FBXO45: variants seen among roughly 807,000 people sequenced by gnomAD.
The protein encoded by FBXO45 is F-box protein 45.
Under a neutral mutation model 25.5 loss-of-function variants are expected in FBXO45, and 3 were observed. The ratio of observed to expected loss-of-function variants is 0.12; its 90% CI spans 0.05 to 0.30. The LOEUF is 0.30. Among genes scored for constraint, FBXO45 ranks in the 10% least tolerant of loss-of-function variants. FBXO45 has a pLI of 1.00. For missense variants in FBXO45, 219 were observed against 365.0 expected (o/e 0.60, Z 3.26); for synonymous variants, 155 against 149.8 (o/e 1.03, Z -0.25).
Position 196,569,315 on chromosome 3 carries a change from C to A in FBXO45, c.318+13C>A. The A allele has an allele frequency of 6.6e-7, 1 of 1,511,472 alleles. No individual in the cohort carries two copies. The highest frequency in any genetic ancestry group is 8.9e-7 in the Non-Finnish European group (1 of 1,118,038). The allele number at this position is 1,511,472 out of a possible 1,614,324, so 93.6% of individuals were successfully genotyped here. A position where few individuals can be genotyped will look rare whatever the true frequency, so the allele number is the denominator to read the frequency against. On this transcript the variant is annotated intron_variant, in intron 1 of 2. Transcript: ENST00000311630. The surrounding 1 kb of genome is among the most constrained non-coding windows in gnomAD (Gnocchi z 4.1). ...CTACAAGGCCAAGGTGAGAGAGCCC[C>A]GGGCCACACCGCTGCCCCCAGTCCC...
At chr3:196,581,222 CCT>C (rs1736005960) in intron 2 of FBXO45, among the ~76,000 whole-genome samples, 1 of 75,922 alleles carries the variant, frequency 1.3e-5, no homozygotes, top group African/African-American at 4.7e-5. Context: ...TTTTCTTTTT[CCT>C]TTTTTTTTTT....
chr3:196,587,107 T>C lies in FBXO45; in HGVS notation c.*2789T>C, dbSNP rs923012159. ...GGGAAACCTGGAGCACTTTCTTTGG[T>C]TGGTTAACGAAGCATGCAGATGTGG... On this transcript the variant is annotated 3_prime_UTR_variant, in exon 3 of 3. Transcript: ENST00000311630. 8 of 152,302 alleles carry C rather than the reference T, an allele frequency of 5.3e-5. No homozygotes were observed. Among genetic ancestry groups the C allele is most frequent in the Middle Eastern group, 3.4e-3 (1 of 294 alleles). The allele number at this position is 152,302 out of a possible 1,614,324, so 9.4% of individuals were successfully genotyped here.
chr3:196,573,356 A>G (rs986871879), intron 1 of FBXO45, among the ~76,000 whole-genome samples: 6 of 152,216 alleles, frequency 3.9e-5, no homozygotes, highest in African/African-American at 1.4e-4. Context: ...TATATCATGG[A>G]GGGCTTTGAA....
In FBXO45 at chr3:196,577,814, GA is replaced by G; in HGVS notation, c.675+8del. On this transcript the variant is annotated splice_donor_region_variant and intron_variant, in intron 2 of 2. Coordinates refer to ENST00000311630, the MANE Select transcript of FBXO45 (RefSeq NM_001105573.2). Reference sequence around the variant, plus strand: ...AACAACGCACCAAAATATCAGGTGAGAAACTGGGGTTTTTCTCAAGTATGGG... The same window carrying G: ...AACAACGCACCAAAATATCAGGTGAGAACTGGGGTTTTTCTCAAGTATGGG... 6.4e-7 allele frequency: 1 copy of G among 1,553,262 alleles called. No individual in the cohort carries two copies.
intron 1 of FBXO45, among the ~76,000 whole-genome samples, chr3:196,570,994 G>T (rs1310593031): frequency 1.3e-5 from 2 of 152,338 alleles, no homozygotes; most frequent in African/African-American, 4.8e-5. Context: ...ACAGGCGTGA[G>T]CTCATGCGCC....
chr3:196,583,898 C>T (rs964152073), intron 2 of FBXO45, among the ~76,000 whole-genome samples: 6 of 152,172 alleles, frequency 3.9e-5, no homozygotes, highest in African/African-American at 4.8e-5. Flanking sequence ...TCAAGCAATC[C>T]GCCCGCCTCA....
chr3:196,585,981 A>T lies in FBXO45; in HGVS notation c.*1663A>T, dbSNP rs528207590. 1.3e-5 allele frequency: 2 copies of T among 152,322 alleles called. 1 individual carries two copies. Among genetic ancestry groups the T allele is most frequent in the South Asian group, 4.1e-4 (2 of 4,824 alleles). The allele number at this position is 152,322 out of a possible 1,614,324, so 9.4% of individuals were successfully genotyped here. A position where few individuals can be genotyped will look rare whatever the true frequency, so the allele number is the denominator to read the frequency against. ...GTTGCCACCTGAAAAGTTTACAAGT[A>T]TTTATTGTGTATTTGATACATTGCT... On this transcript the variant is annotated 3_prime_UTR_variant, in exon 3 of 3. Coordinates refer to ENST00000311630, the MANE Select transcript of FBXO45 (RefSeq NM_001105573.2).
At chr3:196,581,526 C>A (rs1736013320) in intron 2 of FBXO45, among the ~76,000 whole-genome samples, 1 of 152,122 alleles carries the variant, frequency 6.6e-6, no homozygotes, top group South Asian at 2.1e-4. Context: ...TGAGCCACCA[C>A]ACTGGGCCTG....
chr3:196,583,791 G>A (rs1052603940), intron 2 of FBXO45, among the ~76,000 whole-genome samples: 11 of 152,096 alleles, frequency 7.2e-5, no homozygotes, highest in African/African-American at 2.4e-4. Flanking sequence ...GCAGTGGTGC[G>A]ATACCAGCTT....
chr3:196,581,984 A>G (rs1180629359), intron 2 of FBXO45, among the ~76,000 whole-genome samples: 1 of 152,140 alleles, frequency 6.6e-6, no homozygotes, highest in Non-Finnish European at 1.5e-5. Flanking sequence ...TGCCTTTGTA[A>G]TATAGTGGTC....
intron 2 of FBXO45, among the ~76,000 whole-genome samples, chr3:196,583,647 TAAAA>T (rs1454840368): frequency 6.6e-6 from 1 of 151,976 alleles, no homozygotes; most frequent in African/African-American, 2.4e-5. Context: ...AAAGAGTAAA[TAAAA>T]TCAATCTAGG....
At chr3:196,572,988 C>T (rs1054499528) in intron 1 of FBXO45, among the ~76,000 whole-genome samples, 9 of 152,002 alleles carry the variant, frequency 5.9e-5, no homozygotes, top group Non-Finnish European at 1.5e-5. Context: ...GTGGAATGAT[C>T]ATAGCTCACT....
chr3:196,584,554 C>T lies in FBXO45; in HGVS notation c.*236C>T, dbSNP rs969878823. 9 of 408,902 alleles carry T rather than the reference C, an allele frequency of 2.2e-5. No individual in the cohort carries two copies. Among genetic ancestry groups the T allele is most frequent in the East Asian group, 4.2e-5 (1 of 23,640 alleles). The allele number at this position is 408,902 out of a possible 1,614,324, so 25.3% of individuals were successfully genotyped here. A position where few individuals can be genotyped will look rare whatever the true frequency, so the allele number is the denominator to read the frequency against. ...GTGGGCAGTTGACATATGCATGTTGCACCCGATGTTGTCTCTAAGTTAGCA... is the reference window on the plus strand; with the variant it reads ...GTGGGCAGTTGACATATGCATGTTGTACCCGATGTTGTCTCTAAGTTAGCA... On this transcript the variant is annotated 3_prime_UTR_variant, in exon 3 of 3. Transcript: ENST00000311630. This position sits in a 1 kb window ranked among gnomAD's most constrained non-coding sequence, Gnocchi z 4.3.
chr3:196,579,116 ACT>A (rs1377225476), intron 2 of FBXO45, among the ~76,000 whole-genome samples: 3 of 152,182 alleles, frequency 2.0e-5, no homozygotes, highest in African/African-American at 7.2e-5. Flanking sequence ...TACTCATTTG[ACT>A]CAAGTTAAAA....
In FBXO45 at chr3:196,569,867, AC is replaced by A. The variant is rs1244761201; in HGVS notation, c.318+566del. Among the ~76,000 whole-genome samples, 4 of 152,218 alleles carry A rather than the reference AC, an allele frequency of 2.6e-5. No homozygotes were observed. Among genetic ancestry groups the A allele is most frequent in the African/African-American group, 9.6e-5 (4 of 41,458 alleles). ...TAGTCATCCTGCTCACTTACAAGAT[AC>A]AGGCTTTTATAGAACGTCCACGGGC... On this transcript the variant is annotated intron_variant, in intron 1 of 2. Coordinates refer to ENST00000311630, the MANE Select transcript of FBXO45 (RefSeq NM_001105573.2). The surrounding 1 kb of genome is among the most constrained non-coding windows in gnomAD (Gnocchi z 4.1).
chr3:196,576,009 G>A (rs547688971), intron 1 of FBXO45, among the ~76,000 whole-genome samples: 7 of 152,284 alleles, frequency 4.6e-5, no homozygotes, highest in African/African-American at 1.7e-4. Context: ...GGTCTTATAA[G>A]TGCCTTAAAG....
At chr3:196,583,934 G>T (rs988266169) in intron 2 of FBXO45, among the ~76,000 whole-genome samples, 199 bp from the exon 3 acceptor site, 3 of 152,188 alleles carry the variant, frequency 2.0e-5, no homozygotes, top group African/African-American at 7.2e-5. Context: ...GGGATTATAG[G>T]CATGAGCCAC....
intron 1 of FBXO45, among the ~76,000 whole-genome samples, chr3:196,573,955 T>TTTTTA (rs1735871942): frequency 6.6e-6 from 1 of 150,490 alleles, no homozygotes; most frequent in Non-Finnish European, 1.5e-5. Flanking sequence ...TTTTTTTTTT[T>TTTTTA]GAGACAGAGT....
At chr3:196,576,144 G>T (rs1735910369) in intron 1 of FBXO45, among the ~76,000 whole-genome samples, 1 of 152,178 alleles carries the variant, frequency 6.6e-6, no homozygotes, top group African/African-American at 2.4e-5. Flanking sequence ...CACTGAAACG[G>T]TAGAGTGCCA....
Sources: allele counts gnomAD v4.1 joint callset (sites outside exome capture counted in the v4.1 genomes callset), GRCh38; gene constraint gnomAD v4.1.1; non-coding constraint Gnocchi (gnomAD v3.1); transcripts MANE v1.5; gene names NCBI Gene and HGNC (gene_info 2026-07-23, HGNC 2026-07-21).